Variants in EPHA6 observed in about 807,000 individuals in gnomAD.
EPHA6 encodes the protein ephrin type-A receptor 6.
Under a neutral mutation model 112.0 loss-of-function variants are expected in EPHA6, and 50 were observed. The ratio of observed to expected loss-of-function variants is 0.45; its 90% confidence interval spans 0.36 to 0.56. EPHA6 has a LOEUF of 0.56. Among genes scored for constraint, EPHA6 ranks in the 20% least tolerant of loss-of-function variants. The pLI, the probability that EPHA6 is intolerant of heterozygous loss-of-function variation, is 0.00. For synonymous variants in EPHA6, 529 were observed against 490.7 expected, an observed-to-expected ratio of 1.08 and a Z score of -1.03; for missense variants, 1,280 against 1,417.4, an observed-to-expected ratio of 0.90 and a Z score of 1.56.
At chr3:97,652,796 G>A (rs971383783) in intron 14 of EPHA6, among the ~76,000 whole-genome samples, 2 of 151,928 alleles carry the variant, frequency 1.3e-5, no homozygotes, top group Non-Finnish European at 2.9e-5. Context: ...CATCAAAACA[G>A]AAACTTACTC....
chr3:97,620,986 C>T (rs1255729514), intron 13 of EPHA6, among the ~76,000 whole-genome samples: 8 of 151,926 alleles, frequency 5.3e-5, no homozygotes, highest in African/African-American at 9.7e-5. Context: ...CAGCACTATA[C>T]AAAATTGCAA....
intron 3 of EPHA6, among the ~76,000 whole-genome samples, chr3:97,215,709 A>G (rs2078015939): frequency 6.6e-6 from 1 of 152,050 alleles, no homozygotes; most frequent in Non-Finnish European, 1.5e-5. Flanking sequence ...GACTTTTGCC[A>G]TATGTATGAC....
At chr3:97,002,370 T>C (rs1436138799) in intron 3 of EPHA6, among the ~76,000 whole-genome samples, 1 of 149,414 alleles carries the variant, frequency 6.7e-6, no homozygotes, top group Non-Finnish European at 1.5e-5. Context: ...ATAAATAGCA[T>C]ACCTTACTTA....
At chr3:96,914,739 A>G (rs2039400461) in intron 2 of EPHA6, among the ~76,000 whole-genome samples, 1 of 151,664 alleles carries the variant, frequency 6.6e-6, no homozygotes, top group East Asian at 1.9e-4. Flanking sequence ...ATTTGAAAAT[A>G]CATACATAAT....
At chr3:97,301,924 C>T (rs1055829197) in intron 5 of EPHA6, among the ~76,000 whole-genome samples, 1 of 152,002 alleles carries the variant, frequency 6.6e-6, no homozygotes, top group Non-Finnish European at 1.5e-5. Context: ...AGCCGCATCA[C>T]CTAGCAGAGA....
At chr3:96,946,913 C>G (rs1034782958) in intron 2 of EPHA6, among the ~76,000 whole-genome samples, 17 of 152,264 alleles carry the variant, frequency 1.1e-4, no homozygotes, top group Middle Eastern at 3.4e-3. Context: ...CTTTGCATTT[C>G]TCTGATGGCC....
At chr3:96,817,550 G>T (rs1400446334) in intron 1 of EPHA6, among the ~76,000 whole-genome samples, 1 of 151,690 alleles carries the variant, frequency 6.6e-6, no homozygotes, top group African/African-American at 2.4e-5. Flanking sequence ...AGTTTTAATT[G>T]TCCAATAATT....
At chr3:97,155,875 A>T (rs991916889) in intron 3 of EPHA6, among the ~76,000 whole-genome samples, 1 of 152,066 alleles carries the variant, frequency 6.6e-6, no homozygotes, top group Admixed American at 6.6e-5. Flanking sequence ...CTCTCCCTTC[A>T]AGAGGTAAAT....
At chr3:97,635,952 A>G (rs2093941104) in intron 13 of EPHA6, among the ~76,000 whole-genome samples, 1 of 152,036 alleles carries the variant, frequency 6.6e-6, no homozygotes, top group Non-Finnish European at 1.5e-5. Context: ...TTTTCAGAAA[A>G]GTGAGAAGGG....
intron 7 of EPHA6, among the ~76,000 whole-genome samples, chr3:97,467,824 T>C (rs1378051085): frequency 6.6e-6 from 1 of 151,736 alleles, no homozygotes; most frequent in Non-Finnish European, 1.5e-5. Context: ...GAAGGCTACC[T>C]ATGGTAAGGC....
intron 14 of EPHA6, among the ~76,000 whole-genome samples, chr3:97,667,359 C>T (rs1321822613): frequency 6.6e-6 from 1 of 152,126 alleles, no homozygotes; most frequent in Non-Finnish European, 1.5e-5. Context: ...GAAAATGTGA[C>T]ATTATAGAAT....
chr3:96,922,962 A>G (rs2039849603), intron 2 of EPHA6, among the ~76,000 whole-genome samples: 1 of 152,212 alleles, frequency 6.6e-6, no homozygotes, highest in Admixed American at 6.5e-5. Flanking sequence ...TTTGCAAAGG[A>G]CATGATTTCA....
At chr3:97,308,420 A>G (rs1473879636) in intron 5 of EPHA6, among the ~76,000 whole-genome samples, 1 of 151,856 alleles carries the variant, frequency 6.6e-6, no homozygotes, top group East Asian at 1.9e-4. Context: ...ACAAATCCTA[A>G]TGTTCTTCCA....
intron 2 of EPHA6, among the ~76,000 whole-genome samples, chr3:96,900,488 A>C (rs1285296414): frequency 6.6e-6 from 1 of 152,236 alleles, no homozygotes; most frequent in Non-Finnish European, 1.5e-5. Context: ...ATTAAGTGGT[A>C]CTGAAAATCA....
At chr3:97,371,078 AAG>A (rs2085023161) in intron 5 of EPHA6, among the ~76,000 whole-genome samples, 1 of 96,938 alleles carries the variant, frequency 1.0e-5, no homozygotes, top group South Asian at 5.4e-4. Context: ...TTAGTGCAAG[AAG>A]ATCCACTTTT....
intron 5 of EPHA6, among the ~76,000 whole-genome samples, chr3:97,344,784 A>T (rs2083459654): frequency 6.6e-6 from 1 of 152,080 alleles, no homozygotes. Context: ...TAATTTGCAT[A>T]CTCTAATTTG....
intron 2 of EPHA6, among the ~76,000 whole-genome samples, chr3:96,986,080 C>T (rs2043012024): frequency 6.6e-6 from 1 of 152,020 alleles, no homozygotes; most frequent in African/African-American, 2.4e-5. Flanking sequence ...CATAAGGTTA[C>T]CTGAATGTTT....
intron 2 of EPHA6, among the ~76,000 whole-genome samples, chr3:96,927,499 A>G (rs933145210): frequency 5.3e-5 from 8 of 152,188 alleles, no homozygotes; most frequent in African/African-American, 1.9e-4. Context: ...CATAAGTTCC[A>G]GTTTCAGATA....
intron 12 of EPHA6, among the ~76,000 whole-genome samples, chr3:97,608,766 T>C (rs1441759374): frequency 6.6e-6 from 1 of 151,294 alleles, no homozygotes; most frequent in Non-Finnish European, 1.5e-5. Context: ...AAGCCGTGGA[T>C]ACAAAGGCTA....
Sources: gnomAD v4.1 joint callset for allele counts (sites outside exome capture counted in the v4.1 genomes callset) on GRCh38, gnomAD v4.1.1 for gene constraint, MANE v1.5 for transcripts, NCBI Gene and HGNC (gene_info 2026-07-23, HGNC 2026-07-21) for gene names.